Variants in NKAIN2 observed in about 807,000 individuals in gnomAD.
The protein encoded by NKAIN2 is sodium/potassium-transporting ATPase subunit beta-1-interacting protein 2.
NKAIN2 carries 14 observed loss-of-function variants against 32.6 expected under a neutral mutation model. The ratio of observed to expected loss-of-function variants is 0.43; its 90% CI spans 0.28 to 0.67. NKAIN2 has a LOEUF of 0.67. NKAIN2 is among the 30% of genes least tolerant of loss of function. NKAIN2 has a pLI of 0.17. For missense variants in NKAIN2, 198 were observed against 258.3 expected, an observed-to-expected ratio of 0.77 and a Z score of 1.60; for synonymous variants, 80 against 87.2, an observed-to-expected ratio of 0.92 and a Z score of 0.46.
chr6:124,573,930 T>C (rs943429300), intron 3 of NKAIN2, among the ~76,000 whole-genome samples: 2 of 152,194 alleles, frequency 1.3e-5, no homozygotes, highest in Non-Finnish European at 2.9e-5. Flanking sequence ...TTATTTGCTC[T>C]GCTAACAGAG....
chr6:123,968,774 G>C (rs1778206512), intron 1 of NKAIN2, among the ~76,000 whole-genome samples: 1 of 152,072 alleles, frequency 6.6e-6, no homozygotes, highest in Admixed American at 6.6e-5. Context: ...ACAAATTTCT[G>C]CTCACCATTA....
intron 4 of NKAIN2, among the ~76,000 whole-genome samples, chr6:124,704,102 C>G (rs887354328): frequency 5.0e-5 from 6 of 120,796 alleles, no homozygotes; most frequent in Non-Finnish European, 1.1e-4. Context: ...AAAGGCAAGT[C>G]ACAATGACAA....
chr6:124,145,654 C>T (rs1437212456), intron 1 of NKAIN2, among the ~76,000 whole-genome samples: 5 of 151,870 alleles, frequency 3.3e-5, no homozygotes, highest in South Asian at 4.2e-4. Context: ...TACAGGTGCC[C>T]GCCACCATGC....
Position 124,315,242 on chromosome 6 carries a change from C to T in NKAIN2, c.192+32100C>T, listed in dbSNP as rs558440168. Among the ~76,000 whole-genome samples, 11 of 151,996 alleles carry T rather than the reference C, an allele frequency of 7.2e-5. No individual in the cohort carries two copies. The East Asian group carries it at 9.7e-4, about 13-fold the overall frequency. ...TTGCATCTTGGGTTTGTAAACTAAT[C>T]GATAAAGCCATCCAACCCTCCCAGA... On this transcript the variant is annotated intron_variant, in intron 2 of 6. Transcript: ENST00000368417.
At chr6:124,642,891 C>G (rs1227863693) in intron 3 of NKAIN2, among the ~76,000 whole-genome samples, 1 of 152,092 alleles carries the variant, frequency 6.6e-6, no homozygotes, top group Non-Finnish European at 1.5e-5. Flanking sequence ...ATTCTTAACT[C>G]TGAAAATATT....
intron 1 of NKAIN2, among the ~76,000 whole-genome samples, chr6:124,267,921 T>C (rs1258732679): frequency 6.6e-6 from 1 of 152,222 alleles, no homozygotes; most frequent in Admixed American, 6.5e-5. Context: ...GTAAAATAAT[T>C]TGGGAAGAGA....
intron 1 of NKAIN2, among the ~76,000 whole-genome samples, chr6:124,027,953 T>C (rs564074447): frequency 6.1e-4 from 93 of 152,268 alleles, no homozygotes; most frequent in Non-Finnish European, 1.1e-3. Flanking sequence ...AAGGCAAGTC[T>C]CCTTAGCATA....
rs529225248 is a variant in NKAIN2 at position 123,880,047 on chromosome 6, T to A, written c.54+75793T>A. ...CTGCAGTAGGAAACAAGTTCAAAGG[T>A]TTTTACTTACAGATCCTGGGCGAGA... On this transcript the variant is annotated intron_variant, in intron 1 of 6. Coordinates refer to ENST00000368417, the MANE Select transcript of NKAIN2 (RefSeq NM_001040214.3). 8.5e-5 allele frequency among the ~76,000 whole-genome samples: 13 copies of A among 152,128 alleles called. No homozygotes were observed. The East Asian group carries it at 2.5e-3, about 30-fold the overall frequency.
At chr6:123,837,891 GA>G (rs1418645916) in intron 1 of NKAIN2, among the ~76,000 whole-genome samples, 1 of 152,124 alleles carries the variant, frequency 6.6e-6, no homozygotes, top group African/African-American at 2.4e-5. Flanking sequence ...CTTGTGCATG[GA>G]ATTAGTTGCA....
intron 3 of NKAIN2, among the ~76,000 whole-genome samples, chr6:124,609,055 C>T (rs1338499804): frequency 6.6e-6 from 1 of 152,146 alleles, no homozygotes; most frequent in Non-Finnish European, 1.5e-5. Flanking sequence ...GCTTGGAAAC[C>T]TCAGTGTCCA....
intron 1 of NKAIN2, among the ~76,000 whole-genome samples, chr6:124,262,314 T>G (rs1794291841): frequency 6.6e-6 from 1 of 152,122 alleles, no homozygotes; most frequent in African/African-American, 2.4e-5. Context: ...GAGAGAGACT[T>G]GAAAACTCAT....
At chr6:124,616,707 A>G (rs1431760690) in intron 3 of NKAIN2, among the ~76,000 whole-genome samples, 4 of 149,534 alleles carry the variant, frequency 2.7e-5, no homozygotes, top group Non-Finnish European at 4.4e-5. Context: ...CTCGTGATCT[A>G]CCCGCCTCGG....
At chr6:124,752,539 G>GTA (rs1397320404) in intron 4 of NKAIN2, among the ~76,000 whole-genome samples, 1 of 151,350 alleles carries the variant, frequency 6.6e-6, no homozygotes. Flanking sequence ...GTATATGTGG[G>GTA]TATGTGTGTG....
At chr6:124,181,033 C>A (rs2114542730) in intron 1 of NKAIN2, among the ~76,000 whole-genome samples, 1 of 152,334 alleles carries the variant, frequency 6.6e-6, no homozygotes, top group Non-Finnish European at 1.5e-5. Flanking sequence ...CAGCACACCT[C>A]AGCCTGGACA....
At chr6:124,179,016 C>A (rs944731958) in intron 1 of NKAIN2, among the ~76,000 whole-genome samples, 9 of 152,180 alleles carry the variant, frequency 5.9e-5, no homozygotes, top group Admixed American at 1.3e-4. Flanking sequence ...ATTGACCCAA[C>A]ACAGGTGCTG....
intron 1 of NKAIN2, among the ~76,000 whole-genome samples, chr6:124,116,486 T>C (rs1184856749): frequency 6.6e-6 from 1 of 152,180 alleles, no homozygotes; most frequent in Non-Finnish European, 1.5e-5. Context: ...CTTTATCATT[T>C]AAAAGCATCT....
At chr6:124,474,195 G>GA (rs1296285527) in intron 3 of NKAIN2, among the ~76,000 whole-genome samples, 4 of 151,134 alleles carry the variant, frequency 2.6e-5, no homozygotes, top group African/African-American at 7.3e-5. Context: ...CTATTTAAAG[G>GA]AAAAAAAAAT....
rs1583775629 is a variant in NKAIN2, at chr6:124,742,752, CTT to C, written c.475-48584_475-48583del. On this transcript the variant is annotated intron_variant, in intron 4 of 6. Transcript: ENST00000368417. ...TACACTGTGGATCCCAGGTGAGTCT[CTT>C]TTCACTCCCTGCCATCACGCCCTTA... Among the ~76,000 whole-genome samples, 3 of 151,848 alleles carry C rather than the reference CTT, an allele frequency of 2.0e-5. No individual in the cohort carries two copies. The East Asian group carries it at 5.9e-4, about 30-fold the overall frequency.
chr6:124,129,196 TATTAA>T (rs755239441), intron 1 of NKAIN2, among the ~76,000 whole-genome samples: 5 of 152,128 alleles, frequency 3.3e-5, no homozygotes, highest in Non-Finnish European at 4.4e-5. Context: ...GTTGTAGAAA[TATTAA>T]ATTATCTTTT....
Sources: gnomAD v4.1 joint callset for allele counts (sites outside exome capture counted in the v4.1 genomes callset) on GRCh38, gnomAD v4.1.1 for gene constraint, MANE v1.5 for transcripts, NCBI Gene and HGNC (gene_info 2026-07-23, HGNC 2026-07-21) for gene names.